ZMAT1: variants seen among roughly 807,000 people sequenced by gnomAD.
ZMAT1 encodes the protein zinc finger matrin-type 1.
In ZMAT1, 11 loss-of-function variants were observed where a neutral mutation model predicts 18.5. The observed-to-expected ratio is 0.59, with a 90% CI of 0.37 to 0.98. The LOEUF (loss-of-function observed/expected upper bound fraction) is 0.98. Among genes scored for constraint, ZMAT1 ranks in the 50% least tolerant of loss-of-function variants. ZMAT1 has a pLI of 0.01. For synonymous variants in ZMAT1, 211 were observed against 176.4 expected, an observed-to-expected ratio of 1.20 and a Z score of -1.55; for missense variants, 525 against 496.2, an observed-to-expected ratio of 1.06 and a Z score of -0.55.
chrX:101,921,339 G>C (rs1258830891), intron 1 of ZMAT1, among the ~76,000 whole-genome samples: 1 of 112,204 alleles, frequency 8.9e-6, no homozygotes, highest in Non-Finnish European at 1.9e-5. Context: ...ACAAGGGTAA[G>C]TATAAACCTT....
At chrX:101,931,207 T>A (rs897028065) in intron 1 of ZMAT1, among the ~76,000 whole-genome samples, 1 of 111,441 alleles carries the variant, frequency 9.0e-6, no homozygotes, top group Non-Finnish European at 1.9e-5. Flanking sequence ...CTACTTCTAG[T>A]TTCTACACTG....
At chrX:101,909,935 G>A (rs935475665) in intron 1 of ZMAT1, among the ~76,000 whole-genome samples, 2 of 112,124 alleles carry the variant, frequency 1.8e-5, no homozygotes, top group Admixed American at 1.9e-4. Context: ...AACATAGGCA[G>A]TAGTAAGGGA....
At position 101,883,408 on chromosome X, in the gene ZMAT1, CTG is replaced by C. The variant is rs1926627222; in HGVS notation, c.*100_*101del. 2 of 623,516 alleles carry C rather than the reference CTG, an allele frequency of 3.2e-6. No individual in the cohort carries two copies. Among genetic ancestry groups the C allele is most frequent in the Non-Finnish European group, 4.6e-6 (2 of 431,767 alleles). The allele number at this position is 623,516 out of a possible 1,213,427, so 51.4% of individuals were successfully genotyped here. ...CCTAAGTGTCCTGAAGTGACACTGA[CTG>C]TATCTACCTCTCCTTTTCTTCATCA... On this transcript the variant is annotated 3_prime_UTR_variant, in exon 6 of 6. Transcript: ENST00000651725.
At chrX:101,910,961 C>T (rs1277389387) in intron 1 of ZMAT1, among the ~76,000 whole-genome samples, 5 of 110,585 alleles carry the variant, frequency 4.5e-5, no homozygotes, top group East Asian at 2.8e-4. Context: ...AATTCAAAGA[C>T]GACTACCCCA....
chrX:101,928,578 C>T (rs1244607960), intron 1 of ZMAT1, among the ~76,000 whole-genome samples: 1 of 112,556 alleles, frequency 8.9e-6, no homozygotes, highest in Non-Finnish European at 1.9e-5. Context: ...AGGATGGTCT[C>T]CATCTCCTGA....
chrX:101,929,456 T>TATATACAC (rs1161232053), intron 1 of ZMAT1, among the ~76,000 whole-genome samples: 4 of 85,480 alleles, frequency 4.7e-5, no homozygotes, highest in African/African-American at 8.4e-5. Context: ...TATATATATA[T>TATATACAC]ACACACAGAG....
At chrX:101,894,482 T>G in intron 4 of ZMAT1, 2 of 752,955 alleles carry the variant, frequency 2.7e-6, no homozygotes, top group South Asian at 1.3e-4. Context: ...AATGACTAGG[T>G]GGATTTGAAA....
chrX:101,925,531 T>C (rs980303920), intron 1 of ZMAT1, among the ~76,000 whole-genome samples: 2 of 112,429 alleles, frequency 1.8e-5, no homozygotes, highest in Admixed American at 1.9e-4. Flanking sequence ...CACAACTATA[T>C]AGCCTTCAGC....
chrX:101,886,801 T>C, intron 4 of ZMAT1, 70 bp from the exon 5 acceptor site: 1 of 684,615 alleles, frequency 1.5e-6, no homozygotes, highest in Non-Finnish European at 2.0e-6. Context: ...ATGTTAGAAC[T>C]GGACCAAAAA....
chrX:101,910,028 CA>C (rs775929693), intron 1 of ZMAT1, among the ~76,000 whole-genome samples: 1 of 112,596 alleles, frequency 8.9e-6, no homozygotes, highest in African/African-American at 3.2e-5. Context: ...GTGGTGGCCA[CA>C]GGGATGCTTC....
At chrX:101,885,961 G>A (rs1329589075) in intron 5 of ZMAT1, among the ~76,000 whole-genome samples, 1 of 111,639 alleles carries the variant, frequency 9.0e-6, no homozygotes, top group African/African-American at 3.3e-5. Context: ...TAAGCCACCA[G>A]GCCTGGCTCT....
At position 101,931,780 on chromosome X, in the gene ZMAT1, T is replaced by C; in HGVS notation, c.229A>G (p.Met77Val). 2 of 776,988 alleles carry C rather than the reference T, an allele frequency of 2.6e-6. No individual in the cohort carries two copies. The highest frequency in any genetic ancestry group is 3.1e-6 in the Non-Finnish European group (2 of 655,443). 64.0% of individuals were successfully genotyped at this position (776,988 alleles called of 1,213,427 possible). Residue 77 changes from methionine to valine, a missense_variant, in exon 1 of 6, where the codon ATG becomes GTG. Met to Val is a conservative substitution (Grantham distance 21). Transcript: ENST00000651725. ...CTGCCCCCCCTCCCCGCCGCCGCCATAGTGGAGCCGCCAAAGCCGCCGCCG... is the reference window on the plus strand; with the variant it reads ...CTGCCCCCCCTCCCCGCCGCCGCCACAGTGGAGCCGCCAAAGCCGCCGCCG... ...GGGGGFGGST[M>V]AAAGRGGSSF...
At chrX:101,911,612 T>G in intron 1 of ZMAT1, 1 of 1,182,096 alleles carries the variant, frequency 8.5e-7, no homozygotes, top group East Asian at 3.0e-5. Flanking sequence ...AGTCACAGCT[T>G]GTCCCTCACC....
chrX:101,909,444 G>A (rs1269249242), intron 1 of ZMAT1, among the ~76,000 whole-genome samples: 1 of 111,907 alleles, frequency 8.9e-6, no homozygotes, highest in Non-Finnish European at 1.9e-5. Flanking sequence ...CCACCACAGT[G>A]GGGTAGGGCA....
Position 101,882,324 on chromosome X carries a change from GA to G in ZMAT1, c.*1185del, listed in dbSNP as rs1364792925. The G allele has an allele frequency of 9.0e-6, 1 of 111,454 alleles. No individual in the cohort carries two copies. Among genetic ancestry groups the G allele is most frequent in the Non-Finnish European group, 1.9e-5 (1 of 52,883 alleles). The allele number at this position is 111,454 out of a possible 1,213,427, so 9.2% of individuals were successfully genotyped here. ...AAACACTTTAATATAAACATTTCCAGAATATAGACTGACCTTATATCAGTAC... is the reference window on the plus strand; with the variant it reads ...AAACACTTTAATATAAACATTTCCAGATATAGACTGACCTTATATCAGTAC... On this transcript the variant is annotated 3_prime_UTR_variant, in exon 6 of 6. Coordinates refer to ENST00000651725, the MANE Select transcript of ZMAT1 (RefSeq NM_001394560.1).
Position 101,894,975 on chromosome X carries a change from CTT to C in ZMAT1, c.676+2891_676+2892del, listed in dbSNP as rs1569431511. ...GGATCACTCCAGTCAGGATCAGTCT[CTT>C]TACTGTGCCTGAATTCTTGCCACTC... is the stretch of plus-strand genomic sequence containing the variant. On this transcript the variant is annotated intron_variant, in intron 4 of 5. Coordinates refer to ENST00000651725, the MANE Select transcript of ZMAT1 (RefSeq NM_001394560.1). 3 of 579,797 alleles carry C rather than the reference CTT, an allele frequency of 5.2e-6. No homozygotes were observed. The African/African-American group carries it at 7.6e-5, about 15-fold the overall frequency. The allele number at this position is 579,797 out of a possible 1,213,427, so 47.8% of individuals were successfully genotyped here. A position where few individuals can be genotyped will look rare whatever the true frequency, so the allele number is the denominator to read the frequency against.
At chrX:101,905,132 T>C (rs1928522301) in intron 1 of ZMAT1, among the ~76,000 whole-genome samples, 1 of 112,161 alleles carries the variant, frequency 8.9e-6, no homozygotes, top group African/African-American at 3.2e-5. Context: ...AGCTATGCCT[T>C]CAATGTTATC....
At position 101,886,656 on chromosome X, in the gene ZMAT1, A is replaced by T. The variant is rs750127527; in HGVS notation, c.752T>A (p.Met251Lys). Reference protein sequence around the residue: ...FTSLDMFRSHMQGSEHQIKES... With the variant: ...FTSLDMFRSHKQGSEHQIKES... ...CTTAATTTGATGTTCACTTCCTTGC[A>T]TGTGGGACCGGAACATATCTAAAGA... is the stretch of plus-strand genomic sequence containing the variant. Residue 251 changes from methionine to lysine, a missense_variant, in exon 5 of 6, where the codon ATG becomes AAG. Physicochemically the swap from Met to Lys is moderately conservative, Grantham distance 95. Transcript: ENST00000651725. 1.0e-4 allele frequency: 122 copies of T among 1,204,019 alleles called. No individual in the cohort carries two copies. The highest frequency in any genetic ancestry group is 1.2e-4 in the Non-Finnish European group (111 of 892,187).
intron 1 of ZMAT1, among the ~76,000 whole-genome samples, chrX:101,915,078 A>G (rs757479668): frequency 8.9e-4 from 96 of 107,773 alleles, no homozygotes; most frequent in Non-Finnish European, 1.6e-3. Context: ...ATAAAGGATT[A>G]AAAACCATAT....
Sources: allele counts gnomAD v4.1 joint callset (sites outside exome capture counted in the v4.1 genomes callset), GRCh38; gene constraint gnomAD v4.1.1; transcripts MANE v1.5; gene names NCBI Gene and HGNC (gene_info 2026-07-23, HGNC 2026-07-21).